TCF4: variants seen among roughly 807,000 people sequenced by gnomAD.
TCF4 encodes transcription factor 4, also known as SL3-3 enhancer factor 2.
A neutral mutation model predicts 82.1 loss-of-function variants in TCF4; 3 were observed. The ratio of observed to expected loss-of-function variants is 0.04; its 90% CI spans 0.02 to 0.09. TCF4 has a LOEUF of 0.09. Among genes scored for constraint, TCF4 ranks in the 10% least tolerant of loss-of-function variants. TCF4 has a pLI of 1.00. For missense variants in TCF4, 518 were observed against 852.7 expected (o/e 0.61, Z 4.89); for synonymous variants, 276 against 309.6 (o/e 0.89, Z 1.14).
At chr18:55,378,094 A>G (rs1441717959) in intron 6 of TCF4, among the ~76,000 whole-genome samples, 1 of 152,220 alleles carries the variant, frequency 6.6e-6, no homozygotes, top group Non-Finnish European at 1.5e-5. Flanking sequence ...AAAAATAGAA[A>G]GGCTACCTTC....
chr18:55,288,522 G>A (rs916695253), intron 8 of TCF4, among the ~76,000 whole-genome samples: 13 of 152,122 alleles, frequency 8.5e-5, no homozygotes, highest in Non-Finnish European at 1.8e-4. Flanking sequence ...TACTACAACC[G>A]TATCTCCTGA....
chr18:55,263,829 T>C (rs1018016557), intron 11 of TCF4, among the ~76,000 whole-genome samples: 16 of 151,988 alleles, frequency 1.1e-4, no homozygotes, highest in African/African-American at 4.8e-5. Flanking sequence ...TTGATTTGAA[T>C]ATAGATTTTC....
At chr18:55,540,364 G>A (rs751721369) in intron 3 of TCF4, among the ~76,000 whole-genome samples, 3 of 152,058 alleles carry the variant, frequency 2.0e-5, no homozygotes, top group Non-Finnish European at 4.4e-5. Context: ...GTCTAATAGA[G>A]TAAATGACTG....
chr18:55,475,358 G>T (rs1428035208), intron 3 of TCF4, among the ~76,000 whole-genome samples: 1 of 152,044 alleles, frequency 6.6e-6, no homozygotes, highest in Non-Finnish European at 1.5e-5. Flanking sequence ...TACAATAGTG[G>T]TCTGGTGTCC....
At chr18:55,379,725 A>G (rs2091544012) in intron 6 of TCF4, among the ~76,000 whole-genome samples, 1 of 152,224 alleles carries the variant, frequency 6.6e-6, no homozygotes, top group Non-Finnish European at 1.5e-5. Context: ...CTTAAAATAC[A>G]TAATTAATGA....
chr18:55,365,893 A>C (rs957441366), intron 6 of TCF4, among the ~76,000 whole-genome samples: 15 of 152,164 alleles, frequency 9.9e-5, no homozygotes, highest in South Asian at 6.2e-4. Flanking sequence ...ACTCCATCCC[A>C]AAAAAAGCAA....
intron 5 of TCF4, 134 bp from the exon 6 acceptor site, chr18:55,403,652 G>A (rs746524299): frequency 4.4e-5 from 70 of 1,589,154 alleles, no homozygotes; most frequent in Middle Eastern, 1.7e-4. Context: ...ATGTATGCAA[G>A]CAAGAGAGGG....
chr18:55,612,407 T>G (rs987045469), intron 2 of TCF4, among the ~76,000 whole-genome samples: 1 of 152,214 alleles, frequency 6.6e-6, no homozygotes. Context: ...TCGTGTTTGT[T>G]GCCAAAGCTT....
intron 15 of TCF4, among the ~76,000 whole-genome samples, chr18:55,243,678 G>A (rs1438612035): frequency 2.0e-5 from 3 of 152,014 alleles, no homozygotes; most frequent in Non-Finnish European, 4.4e-5. Flanking sequence ...CTTTTTGCAA[G>A]CAGTAGGTAT....
chr18:55,407,176 T>C (rs1012585103), intron 5 of TCF4, among the ~76,000 whole-genome samples: 4 of 152,142 alleles, frequency 2.6e-5, no homozygotes, highest in African/African-American at 9.7e-5. Context: ...ATGTTAAATT[T>C]TGCTGCTGGT....
At chr18:55,622,501 C>CT (rs1228535454) in intron 2 of TCF4, among the ~76,000 whole-genome samples, 1 of 112,758 alleles carries the variant, frequency 8.9e-6, no homozygotes, top group Non-Finnish European at 1.7e-5. Context: ...GAGACTCAAT[C>CT]TTAAAAAAAA....
chr18:55,463,261 T>TA (rs1417702189), intron 4 of TCF4, among the ~76,000 whole-genome samples: 1 of 152,188 alleles, frequency 6.6e-6, no homozygotes, highest in Non-Finnish European at 1.5e-5. Context: ...CATGAATATT[T>TA]AAACTGGAAG....
chr18:55,621,924 A>G (rs1448358444), intron 2 of TCF4, among the ~76,000 whole-genome samples: 1 of 53,766 alleles, frequency 1.9e-5, no homozygotes, highest in Non-Finnish European at 3.1e-5. Flanking sequence ...TTATATATAC[A>G]CTATATACTA....
chr18:55,540,557 C>G (rs558940728), intron 3 of TCF4, among the ~76,000 whole-genome samples: 36 of 152,058 alleles, frequency 2.4e-4, no homozygotes, highest in African/African-American at 8.7e-4. Flanking sequence ...ATCATAATAT[C>G]TGAGGAGTTA....
chr18:55,476,076 C>T (rs931883007), intron 3 of TCF4, among the ~76,000 whole-genome samples: 13 of 152,016 alleles, frequency 8.6e-5, no homozygotes, highest in African/African-American at 3.1e-4. Flanking sequence ...AAAAAGGAGA[C>T]CTGCCATTTC....
At chr18:55,304,766 A>G (rs1008148222) in intron 8 of TCF4, among the ~76,000 whole-genome samples, 3 of 152,190 alleles carry the variant, frequency 2.0e-5, no homozygotes, top group Admixed American at 2.0e-4. Context: ...AAAAGGTTCA[A>G]TCTACTCATG....
At chr18:55,230,520 GAGAGAC>G (rs1277009596) in intron 17 of TCF4, 1 of 152,180 alleles carries the variant, frequency 6.6e-6, no homozygotes, top group African/African-American at 2.4e-5. Flanking sequence ...GGGGGCTTAT[GAGAGAC>G]ACAGAAAATG....
At chr18:55,580,994 C>G (rs1265979741) in intron 3 of TCF4, among the ~76,000 whole-genome samples, 1 of 151,976 alleles carries the variant, frequency 6.6e-6, no homozygotes, top group East Asian at 1.9e-4. Context: ...CACTGAGAAG[C>G]ACTGTGACAT....
At chr18:55,381,700 A>G (rs527766529) in intron 6 of TCF4, among the ~76,000 whole-genome samples, 34 of 152,304 alleles carry the variant, frequency 2.2e-4, no homozygotes, top group Middle Eastern at 3.4e-3. Context: ...AAATATCAAC[A>G]AAAGATGTGT....
Sources: allele counts gnomAD v4.1 joint callset (sites outside exome capture counted in the v4.1 genomes callset), GRCh38; gene constraint gnomAD v4.1.1; transcripts MANE v1.5; gene names NCBI Gene and HGNC (gene_info 2026-07-23, HGNC 2026-07-21).